Variants in CHD2 observed in about 807,000 individuals in gnomAD.
The protein encoded by CHD2 is chromodomain helicase DNA binding protein 2.
In CHD2, 28 loss-of-function variants were observed where a neutral mutation model predicts 243.9. The ratio of observed to expected loss-of-function variants is 0.11; its 90% CI spans 0.09 to 0.16. CHD2 has a LOEUF of 0.16. Ranked by LOEUF, CHD2 falls within the 10% of genes least tolerant of loss-of-function variation. The pLI, the probability that CHD2 is intolerant of heterozygous loss-of-function variation, is 1.00. For synonymous variants in CHD2, 775 were observed against 779.0 expected, an observed-to-expected ratio of 0.99 and a Z score of 0.09; for missense variants, 1,386 against 2,209.8, an observed-to-expected ratio of 0.63 and a Z score of 7.47.
chr15:92,924,268 A>AT, intron 2 of CHD2, 53 bp from the exon 3 acceptor site: 1 of 1,505,694 alleles, frequency 6.6e-7, no homozygotes, highest in Non-Finnish European at 9.1e-7. Context: ...TTTTAAGCAG[A>AT]TTCATGTGTC....
chr15:93,001,454 G>T (rs2054255155), intron 32 of CHD2, among the ~76,000 whole-genome samples: 1 of 152,164 alleles, frequency 6.6e-6, no homozygotes, highest in Admixed American at 6.5e-5. Context: ...AGCTCCAAGA[G>T]GATCAGCAGT....
At position 93,004,742 on chromosome 15, in the gene CHD2, A is replaced by G. The variant is rs1480385200; in HGVS notation, c.4404A>G (p.Thr1468=). Residue 1468 remains threonine (T), a synonymous_variant, in exon 34 of 39, where the codon ACA becomes ACG. Transcript: ENST00000394196. ...AGGATGATGATCTGGACCAGGAGAC[A>G]TTCAGCATAGTAAGTCTTGAAATCG... ...EDEDDDLDQE[T]FSICKERMRP... 2 of 1,611,836 alleles carry G rather than the reference A, an allele frequency of 1.2e-6. No individual in the cohort carries two copies. Among genetic ancestry groups the G allele is most frequent in the Non-Finnish European group, 1.7e-6 (2 of 1,178,700 alleles).
chr15:92,935,041 T>TC (rs1305376718), intron 5 of CHD2, among the ~76,000 whole-genome samples: 2 of 150,290 alleles, frequency 1.3e-5, no homozygotes, highest in Non-Finnish European at 3.0e-5. Context: ...TTTCTTTCTT[T>TC]TTTTTTTTTT....
At chr15:92,989,949 A>G (rs1596442216) in intron 26 of CHD2, among the ~76,000 whole-genome samples, 1 of 152,228 alleles carries the variant, frequency 6.6e-6, no homozygotes, top group African/African-American at 2.4e-5. Context: ...CAGAGTATCT[A>G]TCCTATGAAC....
intron 36 of CHD2, among the ~76,000 whole-genome samples, chr15:93,014,482 T>A (rs1386952392): frequency 1.3e-5 from 2 of 152,290 alleles, no homozygotes; most frequent in Non-Finnish European, 2.9e-5. Context: ...TACTTAGCAG[T>A]AATGGTCAAA....
intron 21 of CHD2, 152 bp downstream of exon 21, chr15:92,978,535 G>A (rs2053937655): frequency 1.2e-6 from 1 of 805,376 alleles, no homozygotes; most frequent in Non-Finnish European, 1.9e-6. Flanking sequence ...GCACAGAGAT[G>A]TTGTCTTTGG....
At chr15:92,923,013 G>A (rs1215976785) in intron 2 of CHD2, among the ~76,000 whole-genome samples, 1 of 152,154 alleles carries the variant, frequency 6.6e-6, no homozygotes. Flanking sequence ...GAGGCCAGTA[G>A]CCGTCTTTAT....
chr15:92,939,846 T>C, intron 7 of CHD2, 128 bp downstream of exon 7: 2 of 1,024,980 alleles, frequency 2.0e-6, no homozygotes, highest in East Asian at 5.1e-5. Context: ...TGAAGTTGTT[T>C]TCAGAAATCT....
intron 11 of CHD2, 55 bp from the exon 12 acceptor site, chr15:92,945,982 AT>A: frequency 6.6e-7 from 1 of 1,512,634 alleles, no homozygotes; most frequent in Non-Finnish European, 8.9e-7. Flanking sequence ...ACAGAATGTC[AT>A]TTTTCACTTT....
At chr15:92,940,851 AATATATAAAT>A (rs1172395977) in intron 7 of CHD2, among the ~76,000 whole-genome samples, 1 of 106,600 alleles carries the variant, frequency 9.4e-6, no homozygotes, top group Non-Finnish European at 2.2e-5. Flanking sequence ...AATATATATA[AATATATAAAT>A]ATATAAAAAT....
chr15:93,005,889 C>T (rs1390450984), intron 34 of CHD2, among the ~76,000 whole-genome samples: 9 of 152,228 alleles, frequency 5.9e-5, no homozygotes, highest in African/African-American at 1.9e-4. Flanking sequence ...AAAATGATAT[C>T]TAATGTTCTA....
intron 2 of CHD2, chr15:92,904,836 G>GT: frequency 6.6e-7 from 1 of 1,514,124 alleles, no homozygotes. Context: ...TGACCAAAAC[G>GT]TTTGAGTGTC....
chr15:92,984,608 C>A, intron 25 of CHD2, 108 bp downstream of exon 25: 2 of 1,081,390 alleles, frequency 1.8e-6, no homozygotes, highest in Non-Finnish European at 1.3e-6. Context: ...GACACAGAGG[C>A]TTCAGGAGCA....
intron 16 of CHD2, among the ~76,000 whole-genome samples, chr15:92,965,051 C>T (rs111410212): frequency 0.015 from 2,249 of 152,116 alleles, 52 homozygotes; most frequent in African/African-American, 0.052. Flanking sequence ...TCTAAAATTC[C>T]GTGTTCTGCA....
intron 14 of CHD2, 129 bp downstream of exon 14, chr15:92,953,702 A>G (rs1014600115): frequency 1.1e-5 from 9 of 817,202 alleles, no homozygotes; most frequent in Non-Finnish European, 1.7e-5. Context: ...TGTTCTCAAT[A>G]TTAGGAGGTT....
At chr15:92,981,499 A>G (rs753296007) in intron 24 of CHD2, 42 bp downstream of exon 24, 9 of 1,470,580 alleles carry the variant, frequency 6.1e-6, no homozygotes, top group East Asian at 2.3e-5. Flanking sequence ...GCATTGATTC[A>G]TTAATGATGA....
chr15:93,008,552 T>G (rs1240960432), intron 34 of CHD2, among the ~76,000 whole-genome samples: 1 of 152,142 alleles, frequency 6.6e-6, no homozygotes, highest in Non-Finnish European at 1.5e-5. Flanking sequence ...TTTTCTCAGG[T>G]CTGTTTTGTC....
At position 92,972,246 on chromosome 15, in the gene CHD2, A is replaced by G; in HGVS notation, c.2353-19A>G. 1.3e-6 allele frequency: 2 copies of G among 1,598,410 alleles called. No individual in the cohort carries two copies. The highest frequency in any genetic ancestry group is 1.7e-6 in the Non-Finnish European group (2 of 1,174,270). Reference sequence around the variant, plus strand: ...TTTGTGTTTCAACATAATTATTGGAATGTCTTTTAAATCTTCAGTCCCTCA... The same window carrying G: ...TTTGTGTTTCAACATAATTATTGGAGTGTCTTTTAAATCTTCAGTCCCTCA... On this transcript the variant is annotated intron_variant, in intron 18 of 38. Transcript: ENST00000394196.
chr15:92,971,387 A>G (rs1241317866), intron 17 of CHD2, among the ~76,000 whole-genome samples: 1 of 152,050 alleles, frequency 6.6e-6, no homozygotes, highest in African/African-American at 2.4e-5. Flanking sequence ...GCCTTTGTGT[A>G]CACACACACA....
Sources: allele counts gnomAD v4.1 joint callset (sites outside exome capture counted in the v4.1 genomes callset), GRCh38; gene constraint gnomAD v4.1.1; transcripts MANE v1.5; gene names NCBI Gene and HGNC (gene_info 2026-07-23, HGNC 2026-07-21).